The following SFPQ variants were observed in gnomAD, a reference collection of about 807,000 sequenced individuals.
The protein encoded by SFPQ is splicing factor, proline- and glutamine-rich.
A neutral mutation model predicts 72.9 loss-of-function variants in SFPQ; 11 were observed. The observed-to-expected ratio is 0.15, with a 90% CI of 0.09 to 0.25. The LOEUF is 0.25. Ranked by LOEUF, SFPQ falls within the 10% of genes least tolerant of loss-of-function variation. The probability of loss-of-function intolerance (pLI) is 1.00; values close to 1 mark genes in which losing one functional copy is unlikely to be tolerated. For synonymous variants in SFPQ, 506 were observed against 367.3 expected (o/e 1.38, Z -4.32); for missense variants, 847 against 993.3 (o/e 0.85, Z 1.98).
Position 35,182,989 on chromosome 1 carries a change from A to G in SFPQ, c.*1467T>C. Reference sequence around the variant, plus strand: ...AGGGATATTTGTACTGTGTAGCATGAGCAACTTTCTCCAGATTTAGTGCTA... The same window carrying G: ...AGGGATATTTGTACTGTGTAGCATGGGCAACTTTCTCCAGATTTAGTGCTA... On this transcript the variant is annotated 3_prime_UTR_variant, in exon 10 of 10. Coordinates refer to ENST00000357214, the MANE Select transcript of SFPQ (RefSeq NM_005066.3). The G allele has an allele frequency of 9.6e-7, 1 of 1,041,138 alleles. No homozygotes were observed. 64.5% of individuals were successfully genotyped at this position (1,041,138 alleles called of 1,614,324 possible). A position where few individuals can be genotyped will look rare whatever the true frequency, so the allele number is the denominator to read the frequency against.
downstream of SFPQ, chr1:35,179,960 T>C (rs1040085003): frequency 9.5e-7 from 1 of 1,054,690 alleles, no homozygotes; most frequent in Non-Finnish European, 1.1e-6. Flanking sequence ...ATCTGCATTA[T>C]ATTGTTGATA....
downstream of SFPQ, chr1:35,178,234 C>A (rs777654801): frequency 1.8e-4 from 193 of 1,097,878 alleles, no homozygotes; most frequent in East Asian, 4.2e-4. Flanking sequence ...TAAGTAGACA[C>A]CTGAATTAGA....
In SFPQ at chr1:35,192,359, G is replaced by A. The variant is rs1320173469; in HGVS notation, c.691C>T (p.Pro231Ser). ...CCGCCGCCTCGATGCGGCGGCTTGGGGTGGCCGCCAGGCGTACTTAGGCCC... is the reference window on the plus strand; with the variant it reads ...CCGCCGCCTCGATGCGGCGGCTTGGAGTGGCCGCCAGGCGTACTTAGGCCC... ...GPGLSTPGGH[P>S]KPPHRGGGEP... The change falls in exon 1 of 10, where the codon CCC becomes TCC. Residue 231 changes from proline to serine, a missense_variant. By Grantham distance (74) the Pro-to-Ser change is moderately conservative (BLOSUM62 -1). Coordinates refer to ENST00000357214, the MANE Select transcript of SFPQ (RefSeq NM_005066.3). 7 of 1,389,900 alleles carry A rather than the reference G, an allele frequency of 5.0e-6. No homozygotes were observed. The highest frequency in any genetic ancestry group is 6.5e-6 in the Non-Finnish European group (7 of 1,084,862). 86.1% of individuals were successfully genotyped at this position (1,389,900 alleles called of 1,614,324 possible). A position where few individuals can be genotyped will look rare whatever the true frequency, so the allele number is the denominator to read the frequency against.
chr1:35,185,638 A>C (rs1305910681), intron 9 of SFPQ, among the ~76,000 whole-genome samples: 1 of 152,204 alleles, frequency 6.6e-6, no homozygotes, highest in Non-Finnish European at 1.5e-5. Flanking sequence ...TCCAAATAAA[A>C]AACTAAAAGG....
chr1:35,192,482 C>T lies in SFPQ; in HGVS notation c.568G>A (p.Ala190Thr), dbSNP rs1640070141. The change falls in exon 1 of 10, where the codon GCA becomes ACA. Residue 190 changes from alanine to threonine, a missense_variant. Around this residue, in one of 6 missense-constraint regions of SFPQ, gnomAD observed 498 missense variants for 405.1 expected, o/e 1.23. Transcript: ENST00000357214. ...GGCCCTGGACCCGGGCCCGGGACTGCCGCGGGCGGAGGCGGCGGGCCTCCG... is the reference window on the plus strand; with the variant it reads ...GGCCCTGGACCCGGGCCCGGGACTGTCGCGGGCGGAGGCGGCGGGCCTCCG... ...QAGGPPPPPA[A>T]VPGPGPGPKQ... 2.3e-6 allele frequency: 3 copies of T among 1,329,984 alleles called. No homozygotes were observed. The highest frequency in any genetic ancestry group is 4.1e-5 in the Admixed American group (1 of 24,102). 82.4% of individuals were successfully genotyped at this position (1,329,984 alleles called of 1,614,324 possible).
chr1:35,185,116 A>G (rs1014166326), intron 9 of SFPQ, among the ~76,000 whole-genome samples: 2 of 152,254 alleles, frequency 1.3e-5, no homozygotes, highest in Non-Finnish European at 2.9e-5. Flanking sequence ...AAGTTGCAGA[A>G]ATCTTAAAAG....
intron 9 of SFPQ, among the ~76,000 whole-genome samples, chr1:35,185,990 CCA>C (rs1270026523): frequency 1.3e-5 from 2 of 152,086 alleles, no homozygotes; most frequent in Non-Finnish European, 2.9e-5. Context: ...AAAATGTTAC[CCA>C]CATACTCTGA....
At chr1:35,181,025 A>G (rs1639447016), downstream of SFPQ, 2 of 1,064,950 alleles carry the variant, frequency 1.9e-6, no homozygotes, top group African/African-American at 1.6e-5. Context: ...TTACCATACA[A>G]GTGTTAGGTG....
At position 35,191,681 on chromosome 1, in the gene SFPQ, C is replaced by T. The variant is rs907434595; in HGVS notation, c.829-152G>A. On this transcript the variant is annotated intron_variant, in intron 1 of 9. Coordinates refer to ENST00000357214, the MANE Select transcript of SFPQ (RefSeq NM_005066.3). ...TACTATGTGAGATTTCTAACATGAG[C>T]ACTATCTTAACATTGAAAAAGGAGC... The T allele has an allele frequency of 1.3e-5, 8 of 624,344 alleles. No individual in the cohort carries two copies. The African/African-American group carries it at 1.5e-4, about 12-fold the overall frequency. 38.7% of individuals were successfully genotyped at this position (624,344 alleles called of 1,614,324 possible). A position where few individuals can be genotyped will look rare whatever the true frequency, so the allele number is the denominator to read the frequency against.
Position 35,191,440 on chromosome 1 carries a change from A to G in SFPQ, c.918T>C (p.Ala306=). 1.2e-6 allele frequency: 2 copies of G among 1,614,120 alleles called. No individual in the cohort carries two copies. The highest frequency in any genetic ancestry group is 1.7e-6 in the Non-Finnish European group (2 of 1,179,942). The stretch of plus-strand genomic sequence containing the variant: ...TTTTGAATTCATCCTCCGTGATATC[A>G]GCAGGTAGATTCCCAACAAACAACC... The part of the protein sequence containing the change: ...RCRLFVGNLP[A]DITEDEFKRL... Residue 306 remains alanine, a synonymous_variant, in exon 2 of 10, where the codon GCT becomes GCC. Coordinates refer to ENST00000357214, the MANE Select transcript of SFPQ (RefSeq NM_005066.3).
Position 35,184,529 on chromosome 1 carries a change from C to G in SFPQ, c.2051G>C (p.Gly684Ala). The G allele has an allele frequency of 6.2e-7, 1 of 1,613,380 alleles. No homozygotes were observed. Among genetic ancestry groups the G allele is most frequent in the Non-Finnish European group, 8.5e-7 (1 of 1,179,714 alleles). Residue 684 changes from glycine (G) to alanine (A), a missense_variant, in exon 10 of 10, where the codon GGG (glycine) becomes GCG (alanine). Physicochemically the swap from Gly to Ala is moderately conservative, Grantham distance 60 (BLOSUM62 0). Around this residue, in one of 6 missense-constraint regions of SFPQ, gnomAD observed 154 missense variants for 186.0 expected, o/e 0.83. Coordinates refer to ENST00000357214, the MANE Select transcript of SFPQ (RefSeq NM_005066.3). The part of the protein sequence containing the change: ...PVGGQGPRGM[G>A]PGTPAGYGRG... ...ACCATATCCTGCTGGAGTTCCAGGC[C>G]CCATTCCTCTAGGACCCTGTCCACC...
intron 2 of SFPQ, 115 bp from the exon 3 acceptor site, chr1:35,191,110 C>A: frequency 1.0e-6 from 1 of 993,078 alleles, no homozygotes; most frequent in Admixed American, 2.7e-5. Context: ...TCGACCATTA[C>A]CTTTAGGCAG....
At chr1:35,187,765 AAAC>A (rs1201795849) in intron 7 of SFPQ, among the ~76,000 whole-genome samples, 5 of 151,850 alleles carry the variant, frequency 3.3e-5, no homozygotes, top group Non-Finnish European at 7.4e-5. Context: ...AAACAAAACA[AAAC>A]AAAAAAACCA....
Position 35,192,614 on chromosome 1 carries a change from C to G in SFPQ, c.436G>C (p.Gly146Arg), listed in dbSNP as rs1640084124. The change falls in exon 1 of 10, where the codon GGG becomes CGG. Residue 146 changes from glycine to arginine, a missense_variant. Physicochemically the swap from Gly to Arg is moderately radical, Grantham distance 125 (BLOSUM62 -2). This residue lies in a region of SFPQ where 498 missense variants were observed against 405.1 expected (regional missense o/e 1.23). Coordinates refer to ENST00000357214, the MANE Select transcript of SFPQ (RefSeq NM_005066.3). Reference protein sequence around the residue: ...PPTSGAPPGSGPGPTPTPPPA... With the variant: ...PPTSGAPPGSRPGPTPTPPPA... Reference sequence around the variant, plus strand: ...GGCGGGGTCGGAGTCGGGCCTGGCCCGGACCCTGGCGGGGCCCCCGAGGTT... The same window carrying G: ...GGCGGGGTCGGAGTCGGGCCTGGCCGGGACCCTGGCGGGGCCCCCGAGGTT... The G allele has an allele frequency of 5.1e-6, 7 of 1,368,906 alleles. No individual in the cohort carries two copies. The South Asian group carries it at 8.5e-5, about 17-fold the overall frequency. The allele number at this position is 1,368,906 out of a possible 1,614,324, so 84.8% of individuals were successfully genotyped here. A position where few individuals can be genotyped will look rare whatever the true frequency, so the allele number is the denominator to read the frequency against.
In SFPQ at chr1:35,192,699, G is replaced by C. The variant is rs890710019; in HGVS notation, c.351C>G (p.Pro117=). ...SKPVVAQGPG[P]APGVGSAPPA... is the part of the protein sequence containing the mutation. Reference sequence around the variant, plus strand: ...GTGGTGCGCTGCCTACTCCGGGAGCGGGGCCGGGTCCCTGAGCAACGACGG... The same window carrying C: ...GTGGTGCGCTGCCTACTCCGGGAGCCGGGCCGGGTCCCTGAGCAACGACGG... Residue 117 remains proline (P), a synonymous_variant, in exon 1 of 10, where the codon CCC becomes CCG. Transcript: ENST00000357214. 61 of 1,444,912 alleles carry C rather than the reference G, an allele frequency of 4.2e-5. No individual in the cohort carries two copies. Among genetic ancestry groups the C allele is most frequent in the Non-Finnish European group, 5.3e-5 (59 of 1,107,058 alleles). The allele number at this position is 1,444,912 out of a possible 1,614,324, so 89.5% of individuals were successfully genotyped here. A position where few individuals can be genotyped will look rare whatever the true frequency, so the allele number is the denominator to read the frequency against.
At chr1:35,189,870 G>T (rs1233387896) in intron 4 of SFPQ, among the ~76,000 whole-genome samples, 2 of 152,054 alleles carry the variant, frequency 1.3e-5, no homozygotes, top group East Asian at 1.9e-4. Flanking sequence ...AGAATCACTT[G>T]AACCCGGGAG....
chr1:35,179,587 T>C (rs973167244), downstream of SFPQ: 4 of 1,053,086 alleles, frequency 3.8e-6, no homozygotes, highest in Non-Finnish European at 4.6e-6. Flanking sequence ...AAAAACCCAC[T>C]GCACTAAGAT....
downstream of SFPQ, chr1:35,178,894 A>G: frequency 9.5e-7 from 1 of 1,051,936 alleles, no homozygotes; most frequent in East Asian, 5.4e-5. Context: ...CAAAAAAAAA[A>G]AAAAAAATAT....
At chr1:35,181,954 T>C (rs898599593), downstream of SFPQ, 5 of 985,322 alleles carry the variant, frequency 5.1e-6, no homozygotes, top group African/African-American at 5.2e-5. Context: ...AAACAACGTT[T>C]AGCAACTCTA....
Sources: gnomAD v4.1 joint callset for allele counts (sites outside exome capture counted in the v4.1 genomes callset) on GRCh38, gnomAD v4.1.1 for gene constraint, gnomAD v4.1.1 regional missense constraint, MANE v1.5 for transcripts, NCBI Gene and HGNC (gene_info 2026-07-23, HGNC 2026-07-21) for gene names.